ADCK5: variants seen among roughly 807,000 people sequenced by gnomAD.
The protein encoded by ADCK5 is aarF domain containing kinase 5.
A neutral mutation model predicts 64.9 loss-of-function variants in ADCK5; 43 were observed. The ratio of observed to expected loss-of-function variants is 0.66; its 90% CI spans 0.52 to 0.85. The LOEUF is 0.85. Ranked by LOEUF, ADCK5 falls within the 40% of genes least tolerant of loss-of-function variation. ADCK5 has a pLI of 0.00. For missense variants in ADCK5, 760 were observed against 810.5 expected (o/e 0.94, Z 0.76); for synonymous variants, 434 against 342.8 (o/e 1.27, Z -2.94).
In ADCK5 at chr8:144,391,651, G is replaced by T; in HGVS notation, c.870G>T (p.Arg290=). 3 of 1,548,162 alleles carry T rather than the reference G, an allele frequency of 1.9e-6. No individual in the cohort carries two copies. The highest frequency in any genetic ancestry group is 2.6e-6 in the Non-Finnish European group (3 of 1,150,996). The change falls in exon 8 of 15, where the codon CGG becomes CGT. Residue 290 remains arginine (R), a synonymous_variant. Coordinates refer to ENST00000308860, the MANE Select transcript of ADCK5 (RefSeq NM_174922.5). The part of the protein sequence containing the change: ...NEGRNAERCA[R]ELAHFPYVVV... The stretch of plus-strand genomic sequence containing the variant: ...GCCGCAACGCAGAGCGCTGTGCGCG[G>T]GAGCTGGCGCACTTCCCCTACGTCG...
chr8:144,382,739 G>T (rs528468691), intron 2 of ADCK5, among the ~76,000 whole-genome samples: 134 of 152,348 alleles, frequency 8.8e-4, no homozygotes, highest in African/African-American at 3.2e-3. Context: ...ATTCTCCACA[G>T]TGTAGGAGAC....
At chr8:144,379,024 C>T (rs1351063736) in intron 1 of ADCK5, among the ~76,000 whole-genome samples, 2 of 151,380 alleles carry the variant, frequency 1.3e-5, no homozygotes, top group Non-Finnish European at 2.9e-5. Flanking sequence ...ACCTCTGCCT[C>T]CCGGGTTCAA....
rs560367456 is a variant in ADCK5, at chr8:144,388,491, A to G, written c.267-2180A>G. Among the ~76,000 whole-genome samples the G allele has an allele frequency of 5.2e-3, 792 of 152,020 alleles. 12 individuals carry two copies. The highest frequency in any genetic ancestry group is 5.2e-3 in the Non-Finnish European group (351 of 67,972). On this transcript the variant is annotated intron_variant, in intron 3 of 14. Coordinates refer to ENST00000308860, the MANE Select transcript of ADCK5 (RefSeq NM_174922.5). ...AATAGTAGAAAAGTTAGAGCCGGGC[A>G]CGGTGGCTCACGCCTGTAATCCCAG...
chr8:144,390,270 G>A (rs1418729506), intron 3 of ADCK5, among the ~76,000 whole-genome samples: 4 of 152,326 alleles, frequency 2.6e-5, no homozygotes, highest in South Asian at 4.1e-4. Context: ...GGGACCACAG[G>A]TGTGCACCAC....
rs782627190 is a variant in ADCK5 at position 144,391,973 on chromosome 8, G to A, written c.1047G>A (p.Glu349=). Residue 349 remains glutamate (E), a synonymous_variant, in exon 10 of 15, where the codon GAG becomes GAA. Coordinates refer to ENST00000308860, the MANE Select transcript of ADCK5 (RefSeq NM_174922.5). ...AAAAGCTCATCAAGGCCTTTGCTGA[G>A]CAGATATTTTACACCGGCTTCATCC... is the stretch of plus-strand genomic sequence containing the variant. The part of the protein sequence containing the change: ...IAEKLIKAFA[E]QIFYTGFIHS... 1 of 1,612,802 alleles carries A rather than the reference G, an allele frequency of 6.2e-7. No individual in the cohort carries two copies. Among genetic ancestry groups the A allele is most frequent in the Non-Finnish European group, 8.5e-7 (1 of 1,179,994 alleles).
In ADCK5 at chr8:144,392,515, A is replaced by G; in HGVS notation, c.1338A>G (p.Leu446=). 6.5e-7 allele frequency: 1 copy of G among 1,529,330 alleles called. No individual in the cohort carries two copies. Among genetic ancestry groups the G allele is most frequent in the Non-Finnish European group, 8.8e-7 (1 of 1,142,720 alleles). The allele number at this position is 1,529,330 out of a possible 1,614,324, so 94.7% of individuals were successfully genotyped here. The change falls in exon 13 of 15, where the codon CTA becomes CTG. Residue 446 remains leucine, a synonymous_variant. Transcript: ENST00000308860. ...VRLGQLWGSH[L]LSREEAAYMV... ...TGGGGCAGCTGTGGGGCTCGCACCT[A>G]CTGAGCCGCGAAGAGGCGGCCTACA...
chr8:144,381,420 G>A (rs190547275), intron 2 of ADCK5, among the ~76,000 whole-genome samples: 494 of 85,670 alleles, frequency 5.8e-3, no homozygotes, highest in African/African-American at 9.6e-3. Context: ...CAGGATTATG[G>A]GCCAGGTGTA....
chr8:144,392,397 C>A (rs1297770273), intron 12 of ADCK5, 48 bp from the exon 13 acceptor site: 1 of 1,491,306 alleles, frequency 6.7e-7, no homozygotes, highest in Admixed American at 2.1e-5. Context: ...TCGGGCGGCG[C>A]GGAACCCACT....
intron 2 of ADCK5, among the ~76,000 whole-genome samples, chr8:144,381,693 C>G (rs1333350266): frequency 1.4e-5 from 2 of 147,688 alleles, no homozygotes; most frequent in East Asian, 4.1e-4. Context: ...AATTATGGGC[C>G]GGGTGTAGAA....
chr8:144,392,939 C>CCTGTG, intron 14 of ADCK5, 30 bp from the exon 15 acceptor site: 1 of 1,585,130 alleles, frequency 6.3e-7, no homozygotes, highest in African/African-American at 1.3e-5. Flanking sequence ...GCTCCCCACC[C>CCTGTG]ACCTGTGACC....
Position 144,391,033 on chromosome 8 carries a change from G to C in ADCK5, c.520G>C (p.Ala174Pro). ...TRTLRVLEDR[A>P]LKRGFQEVDE... is the part of the protein sequence containing the mutation. ...GACCCTGCGCGTGCTAGAGGACAGG[G>C]CCCTCAAGCGGGGCTTCCAGGAGGT... The change falls in exon 5 of 15, where the codon GCC becomes CCC. Residue 174 changes from alanine to proline, a missense_variant. By Grantham distance (27) the Ala-to-Pro change is conservative. Around this residue, in one of 2 missense-constraint regions of ADCK5, gnomAD observed 427 missense variants for 518.4 expected, o/e 0.82. Coordinates refer to ENST00000308860, the MANE Select transcript of ADCK5 (RefSeq NM_174922.5). 1 of 1,612,664 alleles carries C rather than the reference G, an allele frequency of 6.2e-7. No homozygotes were observed. The highest frequency in any genetic ancestry group is 8.5e-7 in the Non-Finnish European group (1 of 1,180,008).
Position 144,392,503 on chromosome 8 carries a change from G to A in ADCK5, c.1326G>A (p.Trp442Ter). Residue 442 changes from tryptophan (W) to a stop codon, truncating the protein, a stop_gained, in exon 13 of 15, where the codon TGG (tryptophan) becomes TGA (stop). Coordinates refer to ENST00000308860, the MANE Select transcript of ADCK5 (RefSeq NM_174922.5). LOFTEE classifies it high-confidence loss of function. ...MQRPVRLGQL[W>*]GSHLLSREEA... is the part of the protein sequence containing the mutation. Reference sequence around the variant, plus strand: ...GCCCCGTGCGCCTGGGGCAGCTGTGGGGCTCGCACCTACTGAGCCGCGAAG... The same window carrying A: ...GCCCCGTGCGCCTGGGGCAGCTGTGAGGCTCGCACCTACTGAGCCGCGAAG... The A allele has an allele frequency of 1.3e-6, 2 of 1,539,114 alleles. No homozygotes were observed. Among genetic ancestry groups the A allele is most frequent in the Non-Finnish European group, 8.7e-7 (1 of 1,147,568 alleles).
chr8:144,390,920 C>T lies in ADCK5; in HGVS notation c.407C>T (p.Ala136Val), dbSNP rs1554860306. Residue 136 changes from alanine (A) to valine (V), a missense_variant, in exon 5 of 15, where the codon GCA becomes GTA. By Grantham distance (64) the Ala-to-Val change is moderately conservative (BLOSUM62 0). Coordinates refer to ENST00000308860, the MANE Select transcript of ADCK5 (RefSeq NM_174922.5). ...CHQRAADALV[A>V]GAISNGGLYV... is the part of the protein sequence containing the mutation. ...CAGCGGGCGGCTGATGCCCTGGTGG[C>T]AGGGGCCATCAGCAACGGGGGCCTC... 6.2e-7 allele frequency: 1 copy of T among 1,612,852 alleles called. No individual in the cohort carries two copies. The highest frequency in any genetic ancestry group is 8.5e-7 in the Non-Finnish European group (1 of 1,179,952).
At chr8:144,382,969 G>A in intron 2 of ADCK5, 112 bp from the exon 3 acceptor site, 1 of 1,432,626 alleles carries the variant, frequency 7.0e-7, no homozygotes, top group South Asian at 1.3e-5. Context: ...CCACACGTCA[G>A]AATGGCTGTG....
In ADCK5 at chr8:144,392,304, A is replaced by T; in HGVS notation, c.1226A>T (p.Asp409Val). The part of the protein sequence containing the change: ...QLWRAIILRD[D>V]AAMRAHAAAL... ...TGGCGGGCCATCATCCTGCGGGACG[A>T]CGCCGCCATGAGGGCGCACGCAGCC... Residue 409 changes from aspartate to valine, a missense_variant, in exon 12 of 15, where the codon GAC becomes GTC. Physicochemically the swap from Asp to Val is radical, Grantham distance 152. This residue lies in a region of ADCK5 where 333 missense variants were observed against 292.0 expected (regional missense o/e 1.14). Transcript: ENST00000308860. The T allele has an allele frequency of 6.6e-7, 1 of 1,504,054 alleles. No individual in the cohort carries two copies. Among genetic ancestry groups the T allele is most frequent in the Non-Finnish European group, 8.9e-7 (1 of 1,129,538 alleles). The allele number at this position is 1,504,054 out of a possible 1,614,324, so 93.2% of individuals were successfully genotyped here. A position where few individuals can be genotyped will look rare whatever the true frequency, so the allele number is the denominator to read the frequency against.
intron 14 of ADCK5, 33 bp downstream of exon 14, chr8:144,392,925 G>C (rs782151477): frequency 3.1e-6 from 5 of 1,589,720 alleles, no homozygotes; most frequent in Non-Finnish European, 8.5e-7. Flanking sequence ...GGTGGCGGGG[G>C]CCTGCTCCCC....
chr8:144,389,191 G>A, intron 3 of ADCK5: 2 of 449,630 alleles, frequency 4.4e-6, no homozygotes, highest in South Asian at 3.1e-5. Flanking sequence ...TCCCCCAGGA[G>A]CCCAGTACCT....
At position 144,392,840 on chromosome 8, in the gene ADCK5, C is replaced by T; in HGVS notation, c.1585C>T (p.Leu529=). Residue 529 remains leucine, a synonymous_variant, in exon 14 of 15, where the codon CTG becomes TTG. Transcript: ENST00000308860. ...TCGGGGTGTCTACGGCACCAGCCTC[C>T]TGCGCCACGCCAAGGTCGTCTGGGA... ...TYRGVYGTSL[L]RHAKVVWEML... 6.3e-7 allele frequency: 1 copy of T among 1,593,416 alleles called. No homozygotes were observed. The highest frequency in any genetic ancestry group is 8.5e-7 in the Non-Finnish European group (1 of 1,174,034).
rs568226234 is a variant in ADCK5 at position 144,392,338 on chromosome 8, G to GGTGCAAGGTGAGGGC, written c.1265_1267+12dup. 24 of 1,494,118 alleles carry GGTGCAAGGTGAGGGC rather than the reference G, an allele frequency of 1.6e-5. No individual in the cohort carries two copies. The South Asian group carries it at 2.2e-4, about 14-fold the overall frequency. 92.6% of individuals were successfully genotyped at this position (1,494,118 alleles called of 1,614,324 possible). On this transcript the variant is annotated inframe_insertion, in exon 12 of 15. Coordinates refer to ENST00000308860, the MANE Select transcript of ADCK5 (RefSeq NM_174922.5). ...TGAGGGCGCACGCAGCCGCACTGGGGGTGCAAGGTGAGGGCGTGCGGGGAT... is the reference window on the plus strand; with the variant it reads ...TGAGGGCGCACGCAGCCGCACTGGGGGTGCAAGGTGAGGGCGTGCAAGGTGAGGGCGTGCGGGGAT...
Sources: allele counts gnomAD v4.1 joint callset (sites outside exome capture counted in the v4.1 genomes callset), GRCh38; gene constraint gnomAD v4.1.1; regional missense constraint gnomAD v4.1.1; transcripts MANE v1.5; gene names NCBI Gene and HGNC (gene_info 2026-07-23, HGNC 2026-07-21).